Variants in CACNA2D1 observed in about 807,000 individuals in gnomAD.
CACNA2D1 encodes the protein calcium voltage-gated channel auxiliary subunit alpha2delta 1, also known as voltage-dependent calcium channel subunit alpha-2/delta-1.
CACNA2D1 carries 53 observed loss-of-function variants against 171.5 expected under a neutral mutation model. The observed-to-expected ratio is 0.31, with a 90% confidence interval of 0.25 to 0.39. The LOEUF is 0.39. Among genes scored for constraint, CACNA2D1 ranks in the 10% least tolerant of loss-of-function variants. The pLI is 1.00. For synonymous variants in CACNA2D1, 442 were observed against 443.1 expected, an observed-to-expected ratio of 1.00 and a Z score of 0.03; for missense variants, 903 against 1,299.8, an observed-to-expected ratio of 0.69 and a Z score of 4.69.
chr7:82,111,241 A>T lies in CACNA2D1; in HGVS notation c.526+5803T>A, dbSNP rs906862745. On this transcript the variant is annotated intron_variant, in intron 6 of 38. Coordinates refer to ENST00000356860, the MANE Select transcript of CACNA2D1 (RefSeq NM_000722.4). ...TAAAAAAGCTATTTTCCTAGTTATG[A>T]TGAACTTTTCCTTGATATATATATA... Among the ~76,000 whole-genome samples the T allele has an allele frequency of 4.0e-5, 6 of 148,528 alleles. No homozygotes were observed. In the Admixed American group the frequency reaches 4.1e-4, roughly 10 times the overall value.
chr7:82,217,670 TATC>T (rs897645886), intron 3 of CACNA2D1, among the ~76,000 whole-genome samples: 1 of 145,462 alleles, frequency 6.9e-6, no homozygotes, highest in African/African-American at 2.7e-5. Context: ...ACACAATCTT[TATC>T]ATCATAATTG....
At chr7:82,247,840 A>G (rs1159228314) in intron 3 of CACNA2D1, among the ~76,000 whole-genome samples, 1 of 152,238 alleles carries the variant, frequency 6.6e-6, no homozygotes, top group Admixed American at 6.5e-5. Flanking sequence ...ACAAATGTGA[A>G]TTCTATGAAA....
chr7:82,394,159 G>A (rs529877858), intron 1 of CACNA2D1, among the ~76,000 whole-genome samples: 5 of 152,066 alleles, frequency 3.3e-5, no homozygotes, highest in South Asian at 2.1e-4. Flanking sequence ...GGAGGGGGAG[G>A]GGTCAAGGAG....
intron 3 of CACNA2D1, among the ~76,000 whole-genome samples, chr7:82,304,152 A>C (rs1179123042): frequency 3.3e-5 from 5 of 152,150 alleles, no homozygotes; most frequent in Admixed American, 1.3e-4. Flanking sequence ...TTATTATCTT[A>C]TTCCAGCTAG....
At chr7:82,111,753 T>C (rs935847276) in intron 6 of CACNA2D1, among the ~76,000 whole-genome samples, 1 of 152,018 alleles carries the variant, frequency 6.6e-6, no homozygotes, top group African/African-American at 2.4e-5. Flanking sequence ...CAGGAGGAGC[T>C]TTCTATTCCA....
chr7:82,295,741 C>T (rs1812193468), intron 3 of CACNA2D1, among the ~76,000 whole-genome samples: 1 of 151,864 alleles, frequency 6.6e-6, no homozygotes, highest in Admixed American at 6.6e-5. Flanking sequence ...TGTGAGGATA[C>T]TGGGTTAACA....
At position 81,994,469 on chromosome 7, in the gene CACNA2D1, T is replaced by A. The variant is rs1226655368; in HGVS notation, c.1734+399A>T. Among the ~76,000 whole-genome samples the A allele has an allele frequency of 6.6e-5, 10 of 152,138 alleles. No individual in the cohort carries two copies. The East Asian group carries it at 1.2e-3, about 18-fold the overall frequency. ...AATATGTGGAACTCAATAATTAGAATAAAAAGGCAAATCATGTAAAACATA... is the reference window on the plus strand; with the variant it reads ...AATATGTGGAACTCAATAATTAGAAAAAAAAGGCAAATCATGTAAAACATA... On this transcript the variant is annotated intron_variant, in intron 20 of 38. Coordinates refer to ENST00000356860, the MANE Select transcript of CACNA2D1 (RefSeq NM_000722.4).
chr7:82,032,816 T>C lies in CACNA2D1; in HGVS notation c.1124A>G (p.Lys375Arg). The C allele has an allele frequency of 1.3e-6, 2 of 1,545,158 alleles. No homozygotes were observed. ...GEERAQEIFN[K>R]YNKDKKVRVF... is the part of the protein sequence containing the mutation. ...ACTCACTTTTTTATCTTTATTGTAT[T>C]TGTTAAATATCTCCTGGGCTCTCTC... The change falls in exon 12 of 39, where the codon AAA (lysine) becomes AGA (arginine). Residue 375 changes from lysine (K) to arginine (R), a missense_variant. Coordinates refer to ENST00000356860, the MANE Select transcript of CACNA2D1 (RefSeq NM_000722.4).
intron 14 of CACNA2D1, among the ~76,000 whole-genome samples, chr7:82,013,132 C>G (rs1301783591): frequency 6.6e-6 from 1 of 151,802 alleles, no homozygotes; most frequent in East Asian, 1.9e-4. Flanking sequence ...TTTGAAGAAA[C>G]TTTTAAAAAT....
chr7:82,326,492 T>A (rs1265575484), intron 3 of CACNA2D1, among the ~76,000 whole-genome samples: 1 of 152,196 alleles, frequency 6.6e-6, no homozygotes, highest in East Asian at 1.9e-4. Flanking sequence ...AACAACTATA[T>A]GTACTTTGCA....
chr7:82,291,976 CACACACATACAT>C (rs1252298853), intron 3 of CACNA2D1, among the ~76,000 whole-genome samples: 1 of 151,452 alleles, frequency 6.6e-6, no homozygotes, highest in Non-Finnish European at 1.5e-5. Context: ...CCACTACAAA[CACACACATACAT>C]ACACACATGC....
intron 3 of CACNA2D1, among the ~76,000 whole-genome samples, chr7:82,216,820 G>T (rs1489827493): frequency 1.4e-5 from 2 of 141,688 alleles, no homozygotes; most frequent in African/African-American, 2.6e-5. Context: ...TTTAAAAAAA[G>T]TAAATATATC....
chr7:82,376,081 A>C (rs1306675456), intron 1 of CACNA2D1, among the ~76,000 whole-genome samples: 1 of 152,062 alleles, frequency 6.6e-6, no homozygotes, highest in Admixed American at 6.6e-5. Context: ...AACATACACA[A>C]AAAAAAATCT....
chr7:82,015,565 ATATATT>A (rs1800348192), intron 12 of CACNA2D1, among the ~76,000 whole-genome samples: 1 of 152,130 alleles, frequency 6.6e-6, no homozygotes, highest in South Asian at 2.1e-4. Flanking sequence ...ATTTTTACAT[ATATATT>A]GATTTTTACT....
At chr7:82,254,489 TTTAA>T (rs1224236719) in intron 3 of CACNA2D1, among the ~76,000 whole-genome samples, 3 of 152,168 alleles carry the variant, frequency 2.0e-5, no homozygotes, top group African/African-American at 7.2e-5. Context: ...ATTATGACAC[TTTAA>T]TTAATACATC....
At chr7:82,207,728 C>T (rs1273661523) in intron 3 of CACNA2D1, among the ~76,000 whole-genome samples, 1 of 152,112 alleles carries the variant, frequency 6.6e-6, no homozygotes, top group African/African-American at 2.4e-5. Context: ...ATTTAATAAC[C>T]TCTTTAGGTT....
chr7:82,238,153 G>A (rs1803834029), intron 3 of CACNA2D1, among the ~76,000 whole-genome samples: 1 of 151,862 alleles, frequency 6.6e-6, no homozygotes, highest in East Asian at 1.9e-4. Flanking sequence ...ATATAAGAGG[G>A]GAATAAGATT....
chr7:82,149,291 T>G (rs1793519179), intron 4 of CACNA2D1, among the ~76,000 whole-genome samples: 1 of 152,164 alleles, frequency 6.6e-6, no homozygotes, highest in African/African-American at 2.4e-5. Context: ...GACTGGTTTT[T>G]AACACTGTCC....
intron 1 of CACNA2D1, among the ~76,000 whole-genome samples, chr7:82,369,142 A>G (rs1252767569): frequency 6.6e-6 from 1 of 152,160 alleles, no homozygotes; most frequent in East Asian, 1.9e-4. Context: ...AAATTTACAT[A>G]CAATTATCAA....
Sources: gnomAD v4.1 joint callset for allele counts (sites outside exome capture counted in the v4.1 genomes callset) on GRCh38, gnomAD v4.1.1 for gene constraint, MANE v1.5 for transcripts, NCBI Gene and HGNC (gene_info 2026-07-23, HGNC 2026-07-21) for gene names.